The following PLCH2 variants were observed in gnomAD, a reference collection of about 807,000 sequenced individuals.
The protein encoded by PLCH2 is 1-phosphatidylinositol 4,5-bisphosphate phosphodiesterase eta-2.
PLCH2 carries 98 observed loss-of-function variants against 134.7 expected under a neutral mutation model. That is an observed-to-expected ratio of 0.73 (90% confidence interval 0.62 to 0.86). The LOEUF is 0.86. Among genes scored for constraint, PLCH2 ranks in the 40% least tolerant of loss-of-function variants. The pLI, the probability that PLCH2 is intolerant of heterozygous loss-of-function variation, is 0.00. For missense variants in PLCH2, 1,994 were observed against 1,986.6 expected (o/e 1.00, Z -0.07); for synonymous variants, 974 against 827.5 (o/e 1.18, Z -3.04).
upstream of PLCH2, among the ~76,000 whole-genome samples, chr1:2,424,303 AAT>A (rs199882827): frequency 3.4e-5 from 5 of 146,772 alleles, no homozygotes; most frequent in South Asian, 6.6e-4. Context: ...AGAACTAAAA[AAT>A]TCCCCCAAAC....
chr1:2,463,818 C>G (rs144244490), upstream of PLCH2, among the ~76,000 whole-genome samples: 1 of 152,266 alleles, frequency 6.6e-6, no homozygotes, highest in Non-Finnish European at 1.5e-5. Context: ...AAGGCACCAG[C>G]TGGCCAGGCC....
intron 21 of PLCH2, 63 bp downstream of exon 21, chr1:2,502,472 G>A (rs938729230): frequency 6.8e-7 from 1 of 1,471,502 alleles, no homozygotes; most frequent in Non-Finnish European, 9.3e-7. Flanking sequence ...GCGTGTCCTG[G>A]ACGGCCCCGG....
Position 2,494,939 on chromosome 1 carries a change from C to T in PLCH2, c.1743C>T (p.Ser581=). The part of the protein sequence containing the change: ...RNGRLVVGSF[S]RRKKKGSKLK... Reference sequence around the variant, plus strand: ...GCCGCCTCGTCGTGGGAAGCTTCTCCAGGCGCAAGGTCCGGCGCAGCTCCC... The same window carrying T: ...GCCGCCTCGTCGTGGGAAGCTTCTCTAGGCGCAAGGTCCGGCGCAGCTCCC... Residue 581 remains serine (S), a synonymous_variant, in exon 12 of 22, where the codon TCC becomes TCT. Transcript: ENST00000378486. 6.3e-7 allele frequency: 1 copy of T among 1,593,442 alleles called. No individual in the cohort carries two copies. The highest frequency in any genetic ancestry group is 8.5e-7 in the Non-Finnish European group (1 of 1,172,462).
chr1:2,495,685 CCTT>C (rs1345185211), intron 13 of PLCH2, 115 bp downstream of exon 13: 1 of 665,862 alleles, frequency 1.5e-6, no homozygotes, highest in Non-Finnish European at 2.5e-6. Context: ...GGACCTACCC[CCTT>C]CTTGGCCCCT....
chr1:2,478,107 C>A (rs537124894), intron 1 of PLCH2, among the ~76,000 whole-genome samples: 2 of 152,254 alleles, frequency 1.3e-5, no homozygotes, highest in South Asian at 4.1e-4. Flanking sequence ...CTCGGGGCCC[C>A]AGGCCCAGCG....
chr1:2,479,738 C>T lies in PLCH2; in HGVS notation c.276C>T (p.Ser92=). 1 of 1,539,880 alleles carries T rather than the reference C, an allele frequency of 6.5e-7. No homozygotes were observed. The highest frequency in any genetic ancestry group is 8.8e-7 in the Non-Finnish European group (1 of 1,138,410). Reference sequence around the variant, plus strand: ...TGCTCCCTCCCCACCCCGCAGTCTCCATCGACTCCATCCAGGAGGTGAGTG... The same window carrying T: ...TGCTCCCTCCCCACCCCGCAGTCTCTATCGACTCCATCCAGGAGGTGAGTG... The part of the protein sequence containing the change: ...PSRKNEKAKI[S]IDSIQEVSEG... The change falls in exon 3 of 22, where the codon TCC becomes TCT. Residue 92 remains serine (S), a synonymous_variant. Coordinates refer to ENST00000378486, the MANE Select transcript of PLCH2 (RefSeq NM_014638.4).
intron 21 of PLCH2, 145 bp from the exon 22 acceptor site, chr1:2,503,777 G>A (rs575945122): frequency 2.8e-5 from 17 of 614,468 alleles, no homozygotes; most frequent in Middle Eastern, 8.4e-4. Flanking sequence ...GGGATGCCTC[G>A]GGGTGGGAGC....
At chr1:2,503,362 G>A (rs1007995876) in intron 21 of PLCH2, 5 of 583,948 alleles carry the variant, frequency 8.6e-6, no homozygotes, top group African/African-American at 1.9e-5. Context: ...CTACTGGGAA[G>A]TCTGATGTGG....
chr1:2,480,600 A>G (rs560553625), intron 4 of PLCH2, among the ~76,000 whole-genome samples: 2 of 152,242 alleles, frequency 1.3e-5, no homozygotes, highest in South Asian at 4.1e-4. Flanking sequence ...AGGCCCTGCC[A>G]GGTGAGTGGA....
upstream of PLCH2, among the ~76,000 whole-genome samples, chr1:2,474,927 C>G (rs13376340): frequency 0.024 from 3,607 of 152,288 alleles, 142 homozygotes; most frequent in African/African-American, 0.081. Context: ...GAGGCCCTGT[C>G]TTCCTGAGGA....
chr1:2,461,329 C>T (rs1640792063), intron 2 of PLCH2, among the ~76,000 whole-genome samples: 1 of 152,198 alleles, frequency 6.6e-6, no homozygotes, highest in African/African-American at 2.4e-5. Context: ...TTGGCCAGGG[C>T]CCTTCTGGTG....
At chr1:2,486,514 A>G (rs1042968810) in intron 5 of PLCH2, among the ~76,000 whole-genome samples, 1 of 152,196 alleles carries the variant, frequency 6.6e-6, no homozygotes, top group African/African-American at 2.4e-5. Context: ...CGGCTTGGGC[A>G]GACAGTGGGA....
Sources: gnomAD v4.1 joint callset for allele counts (sites outside exome capture counted in the v4.1 genomes callset) on GRCh38, gnomAD v4.1.1 for gene constraint, MANE v1.5 for transcripts, NCBI Gene and HGNC (gene_info 2026-07-23, HGNC 2026-07-21) for gene names.